The following ARSK variants were observed in gnomAD, a reference collection of about 807,000 sequenced individuals.
The protein encoded by ARSK is arylsulfatase family member K.
Under a neutral mutation model 53.2 loss-of-function variants are expected in ARSK, and 37 were observed. That is an observed-to-expected ratio of 0.70 (90% CI 0.54 to 0.92). ARSK has a LOEUF of 0.92. ARSK is among the 40% of genes least tolerant of loss of function. The pLI is 0.00. For missense variants in ARSK, 613 were observed against 643.0 expected, an observed-to-expected ratio of 0.95 and a Z score of 0.51; for synonymous variants, 208 against 223.2, an observed-to-expected ratio of 0.93 and a Z score of 0.61.
At chr5:95,586,827 A>C in intron 5 of ARSK, 94 bp downstream of exon 5, 2 of 944,418 alleles carry the variant, frequency 2.1e-6, no homozygotes, top group Non-Finnish European at 2.8e-6. Context: ...TTTCTTACAA[A>C]GTTGCTTATA....
At chr5:95,580,865 GA>G (rs771104146) in intron 3 of ARSK, 1 of 1,266,342 alleles carries the variant, frequency 7.9e-7, no homozygotes, top group South Asian at 1.3e-5. Context: ...AATTTGCAAA[GA>G]AATAAATTGT....
Position 95,555,486 on chromosome 5 carries a change from G to A in ARSK, c.126+82G>A, listed in dbSNP as rs1748478403. On this transcript the variant is annotated intron_variant, in intron 1 of 7. Transcript: ENST00000380009. This position sits in a 1 kb window ranked among gnomAD's most constrained non-coding sequence, Gnocchi z 4.0. Reference sequence around the variant, plus strand: ...CGCCGCCTGTGCTGCAGGCTTTGGGGAGCAGAACCTGAGACATTTTCAAAC... The same window carrying A: ...CGCCGCCTGTGCTGCAGGCTTTGGGAAGCAGAACCTGAGACATTTTCAAAC... 2 of 1,444,326 alleles carry A rather than the reference G, an allele frequency of 1.4e-6. No individual in the cohort carries two copies. Among genetic ancestry groups the A allele is most frequent in the Non-Finnish European group, 1.8e-6 (2 of 1,082,152 alleles). The allele number at this position is 1,444,326 out of a possible 1,614,324, so 89.5% of individuals were successfully genotyped here. A position where few individuals can be genotyped will look rare whatever the true frequency, so the allele number is the denominator to read the frequency against.
chr5:95,561,406 G>A (rs779373532), intron 1 of ARSK, among the ~76,000 whole-genome samples: 2 of 152,140 alleles, frequency 1.3e-5, no homozygotes, highest in African/African-American at 4.8e-5. Context: ...TTACTCCTAG[G>A]TGTATATTCA....
chr5:95,566,195 G>A, intron 2 of ARSK, 68 bp downstream of exon 2: 1 of 1,547,404 alleles, frequency 6.5e-7, no homozygotes, highest in Non-Finnish European at 8.8e-7. Context: ...CAGTTTAAAA[G>A]ATTATACCTA....
At chr5:95,591,751 A>G in intron 6 of ARSK, 126 bp downstream of exon 6, 1 of 795,190 alleles carries the variant, frequency 1.3e-6, no homozygotes. Context: ...ACCCTGAGCA[A>G]CTCATTCAAC....
At chr5:95,588,953 T>A (rs542365071) in intron 5 of ARSK, among the ~76,000 whole-genome samples, 1 of 149,626 alleles carries the variant, frequency 6.7e-6, no homozygotes, top group East Asian at 1.9e-4. Context: ...AGAGTGAGAC[T>A]CCGTCTCAAA....
At chr5:95,594,395 T>C (rs947199540) in intron 6 of ARSK, among the ~76,000 whole-genome samples, 2 of 152,258 alleles carry the variant, frequency 1.3e-5, no homozygotes, top group Non-Finnish European at 2.9e-5. Flanking sequence ...TCAAAAGAAA[T>C]AAGCAATTCA....
intron 3 of ARSK, among the ~76,000 whole-genome samples, chr5:95,579,959 T>G (rs1423753943): frequency 6.6e-6 from 1 of 152,214 alleles, no homozygotes; most frequent in East Asian, 1.9e-4. Flanking sequence ...GTCTTACTGT[T>G]ATTACGACAA....
Position 95,555,652 on chromosome 5 carries a change from T to G in ARSK, c.126+248T>G, listed in dbSNP as rs1301091277. On this transcript the variant is annotated intron_variant, in intron 1 of 7. Transcript: ENST00000380009. This position sits in a 1 kb window ranked among gnomAD's most constrained non-coding sequence, Gnocchi z 4.0. Reference sequence around the variant, plus strand: ...TTTGCAGATCTTTTTTTTTTAATACTGACCTCGATTCGCTAAATTATTTTA... The same window carrying G: ...TTTGCAGATCTTTTTTTTTTAATACGGACCTCGATTCGCTAAATTATTTTA... Among the ~76,000 whole-genome samples the G allele has an allele frequency of 6.6e-6, 1 of 152,236 alleles. No homozygotes were observed. The highest frequency in any genetic ancestry group is 1.9e-4 in the East Asian group (1 of 5,206).
intron 3 of ARSK, among the ~76,000 whole-genome samples, chr5:95,572,863 C>T (rs1282406685): frequency 6.6e-6 from 1 of 152,124 alleles, no homozygotes; most frequent in Non-Finnish European, 1.5e-5. Flanking sequence ...CAACTGAGGG[C>T]GGTCACCCTT....
At position 95,558,879 on chromosome 5, in the gene ARSK, A is replaced by T. The variant is rs138927498; in HGVS notation, c.126+3475A>T. ...AGTTTGGCCGGGCGCGGTGGCTCAC[A>T]CCTGTAATCCCAGCACTTTGGGAGA... On this transcript the variant is annotated intron_variant, in intron 1 of 7. Transcript: ENST00000380009. 5.9e-3 allele frequency among the ~76,000 whole-genome samples: 904 copies of T among 152,288 alleles called. 7 individuals are homozygous for T. Among genetic ancestry groups the T allele is most frequent in the Non-Finnish European group, 0.01 (695 of 68,032 alleles).
Position 95,572,777 on chromosome 5 carries a change from C to CA in ARSK, c.416+4738dup, listed in dbSNP as rs140392324. Reference sequence around the variant, plus strand: ...TGGGTGAAAGAGCGAGACTCCGTCTCAAAAAAAAAAGGAAACATTTGTATT... The same window carrying CA: ...TGGGTGAAAGAGCGAGACTCCGTCTCAAAAAAAAAAAGGAAACATTTGTATT... On this transcript the variant is annotated intron_variant, in intron 3 of 7. Coordinates refer to ENST00000380009, the MANE Select transcript of ARSK (RefSeq NM_198150.3). Among the ~76,000 whole-genome samples the CA allele has an allele frequency of 2.6e-3, 383 of 147,790 alleles. 3 individuals carry two copies. The highest frequency in any genetic ancestry group is 8.1e-3 in the African/African-American group (332 of 40,764).
In ARSK at chr5:95,555,330, GC is replaced by G; in HGVS notation, c.57del (p.Gly20GlufsTer19). 2 of 1,608,478 alleles carry G rather than the reference GC, an allele frequency of 1.2e-6. No homozygotes were observed. The highest frequency in any genetic ancestry group is 8.5e-7 in the Non-Finnish European group (1 of 1,179,316). ...CGCAGCCTTGGCGCTGGCGGTACTGGCCCCCGGAGCAGGGGAGCAGAGGCGG... is the reference window on the plus strand; with the variant it reads ...CGCAGCCTTGGCGCTGGCGGTACTGGCCCCGGAGCAGGGGAGCAGAGGCGG... ...VVAALALAVL[A>X]PGAGEQRRRA... On this transcript the variant is annotated frameshift_variant, in exon 1 of 8. Coordinates refer to ENST00000380009, the MANE Select transcript of ARSK (RefSeq NM_198150.3). LOFTEE classifies it high-confidence loss of function. This position sits in a 1 kb window ranked among gnomAD's most constrained non-coding sequence, Gnocchi z 4.0.
intron 6 of ARSK, among the ~76,000 whole-genome samples, chr5:95,596,569 T>C (rs1267077753): frequency 6.6e-6 from 1 of 152,142 alleles, no homozygotes; most frequent in Non-Finnish European, 1.5e-5. Context: ...CTGAAATGTC[T>C]GTTAAACAGA....
At chr5:95,578,821 T>C (rs975377144) in intron 3 of ARSK, among the ~76,000 whole-genome samples, 1 of 152,234 alleles carries the variant, frequency 6.6e-6, no homozygotes, top group African/African-American at 2.4e-5. Flanking sequence ...CTGTGCTACT[T>C]GTAAACTGAT....
Position 95,568,017 on chromosome 5 carries a change from A to C in ARSK, c.384A>C (p.Lys128Asn). ...GCTACCGAACACAGAAATTTGGGAA[A>C]CTGGACTATACTTCAGGACATCACT... ...RHGYRTQKFG[K>N]LDYTSGHHSI... The change falls in exon 3 of 8, where the codon AAA (lysine) becomes AAC (asparagine). Residue 128 changes from lysine to asparagine, a missense_variant. Coordinates refer to ENST00000380009, the MANE Select transcript of ARSK (RefSeq NM_198150.3). 1 of 1,613,900 alleles carries C rather than the reference A, an allele frequency of 6.2e-7. No homozygotes were observed. Among genetic ancestry groups the C allele is most frequent in the Non-Finnish European group, 8.5e-7 (1 of 1,179,864 alleles).
intron 3 of ARSK, among the ~76,000 whole-genome samples, chr5:95,581,935 G>C (rs879333147): frequency 4.6e-5 from 7 of 151,704 alleles, no homozygotes; most frequent in Non-Finnish European, 5.9e-5. Flanking sequence ...TTTTATTATA[G>C]CTATTTAAAT....
At chr5:95,565,382 C>G (rs1422871627) in intron 1 of ARSK, among the ~76,000 whole-genome samples, 1 of 152,146 alleles carries the variant, frequency 6.6e-6, no homozygotes, top group Admixed American at 6.5e-5. Flanking sequence ...CACACCCCAC[C>G]CCAGCTGCCT....
chr5:95,602,818 A>G (rs1749425562), intron 7 of ARSK, among the ~76,000 whole-genome samples: 1 of 152,222 alleles, frequency 6.6e-6, no homozygotes, highest in African/African-American at 2.4e-5. Context: ...GTAAAGTTGC[A>G]GGAACATGAC....
Sources: allele counts gnomAD v4.1 joint callset (sites outside exome capture counted in the v4.1 genomes callset), GRCh38; gene constraint gnomAD v4.1.1; non-coding constraint Gnocchi (gnomAD v3.1); transcripts MANE v1.5; gene names NCBI Gene and HGNC (gene_info 2026-07-23, HGNC 2026-07-21).